Variants in ARHGAP30 observed in about 807,000 individuals in gnomAD.
ARHGAP30 encodes rho GTPase-activating protein 30.
Under a neutral mutation model 72.0 loss-of-function variants are expected in ARHGAP30, and 23 were observed. The observed-to-expected ratio is 0.32, with a 90% CI of 0.23 to 0.45. ARHGAP30 has a LOEUF of 0.45. Among genes scored for constraint, ARHGAP30 ranks in the 20% least tolerant of loss-of-function variants. ARHGAP30 has a pLI of 1.00. For synonymous variants in ARHGAP30, 576 were observed against 528.2 expected (o/e 1.09, Z -1.24); for missense variants, 1,319 against 1,383.4 (o/e 0.95, Z 0.74).
chr1:161,053,409 C>A (rs1327754926), intron 5 of ARHGAP30, 24 bp from the exon 6 acceptor site: 4 of 1,610,778 alleles, frequency 2.5e-6, no homozygotes, highest in Non-Finnish European at 3.4e-6. Flanking sequence ...GAATTATTCT[C>A]CCCCTCAGCC....
chr1:161,060,130 C>A, intron 1 of ARHGAP30: 1 of 389,268 alleles, frequency 2.6e-6, no homozygotes, highest in Non-Finnish European at 5.2e-6. Context: ...AAAATACAAA[C>A]ACAAATGGGG....
intron 1 of ARHGAP30, among the ~76,000 whole-genome samples, chr1:161,064,827 GAAAGAGAAAGAAAGAAAGA>G (rs1652619022): frequency 1.8e-4 from 12 of 67,038 alleles, no homozygotes; most frequent in African/African-American, 8.3e-4. Context: ...AAGAAAGAAA[GAAAGAGAAAGAAAGAAAGA>G]AAGGAAAGGA....
At chr1:161,052,573 G>A (rs374572259) in intron 7 of ARHGAP30, 30 bp from the exon 8 acceptor site, 3 of 1,613,928 alleles carry the variant, frequency 1.9e-6, no homozygotes, top group African/African-American at 2.7e-5. Context: ...ATAATTGGAG[G>A]TTGGAACATG....
intron 3 of ARHGAP30, among the ~76,000 whole-genome samples, chr1:161,055,812 TAA>T (rs1290552247): frequency 7.6e-4 from 27 of 35,598 alleles, no homozygotes; most frequent in East Asian, 3.5e-3. Flanking sequence ...AATAATAAAA[TAA>T]AATAAAATAA....
rs1432469891 is a variant in ARHGAP30, at chr1:161,047,468, C to T, written c.*247G>A. Reference sequence around the variant, plus strand: ...TATGTTCCCTTTGGCCAATGACCCACTCCCTGGGAACAAGATCTTGTTGAC... The same window carrying T: ...TATGTTCCCTTTGGCCAATGACCCATTCCCTGGGAACAAGATCTTGTTGAC... On this transcript the variant is annotated 3_prime_UTR_variant, in exon 12 of 12. Transcript: ENST00000368013. 2.9e-6 allele frequency: 1 copy of T among 348,664 alleles called. No individual in the cohort carries two copies. Among genetic ancestry groups the T allele is most frequent in the Non-Finnish European group, 5.1e-6 (1 of 195,186 alleles). The allele number at this position is 348,664 out of a possible 1,614,324, so 21.6% of individuals were successfully genotyped here. A position where few individuals can be genotyped will look rare whatever the true frequency, so the allele number is the denominator to read the frequency against.
Position 161,051,696 on chromosome 1 carries a change from C to T in ARHGAP30, c.1038G>A (p.Gly346=). Residue 346 remains glycine, a synonymous_variant, in exon 10 of 12, where the codon GGG becomes GGA. Transcript: ENST00000368013. ...GASDEPEGLV[G]PSSPRPSPLL... ...ATGGGCTTGGCCGGGGGCTGCTGGG[C>T]CCCACCAGCCCCTCTGGCTCTGTGG... The T allele has an allele frequency of 1.2e-6, 2 of 1,609,704 alleles. No individual in the cohort carries two copies. The highest frequency in any genetic ancestry group is 1.1e-5 in the South Asian group (1 of 90,820).
At chr1:161,066,328 C>A (rs781714220) in intron 1 of ARHGAP30, among the ~76,000 whole-genome samples, 1 of 150,430 alleles carries the variant, frequency 6.6e-6, no homozygotes, top group Admixed American at 6.7e-5. Context: ...TGCCCATGCA[C>A]GGTCTTGAGT....
intron 3 of ARHGAP30, among the ~76,000 whole-genome samples, chr1:161,055,832 TAA>T (rs1226760170): frequency 7.7e-5 from 9 of 116,846 alleles, no homozygotes; most frequent in African/African-American, 1.6e-4. Context: ...TAAAATAAAA[TAA>T]AATAAAATAA....
chr1:161,054,803 C>CAGAGTCCAG, intron 3 of ARHGAP30, 98 bp from the exon 4 acceptor site: 6 of 1,056,262 alleles, frequency 5.7e-6, no homozygotes, highest in Non-Finnish European at 8.8e-6. Flanking sequence ...ACAATGTGCA[C>CAGAGTCCAG]TGGACTCTGT....
chr1:161,064,831 G>GAAAGAAAGAAAGAAAGAA (rs1231950263), intron 1 of ARHGAP30, among the ~76,000 whole-genome samples: 1 of 73,834 alleles, frequency 1.4e-5, no homozygotes, highest in Non-Finnish European at 2.4e-5. Context: ...AAGAAAGAAA[G>GAAAGAAAGAAAGAAAGAA]AGAAAGAAAG....
intron 1 of ARHGAP30, among the ~76,000 whole-genome samples, chr1:161,065,227 C>T (rs893171310): frequency 1.3e-5 from 2 of 151,974 alleles, no homozygotes; most frequent in Non-Finnish European, 2.9e-5. Context: ...CTGCCTGCCT[C>T]GGCCTCCTAA....
intron 1 of ARHGAP30, among the ~76,000 whole-genome samples, chr1:161,063,286 G>A (rs1324066791): frequency 1.3e-5 from 2 of 152,210 alleles, no homozygotes; most frequent in Non-Finnish European, 2.9e-5. Context: ...CCCAAATGGA[G>A]GGACCGGCTG....
At chr1:161,056,307 A>G (rs1651872998) in intron 3 of ARHGAP30, 81 bp downstream of exon 3, 1 of 1,532,358 alleles carries the variant, frequency 6.5e-7, no homozygotes, top group Non-Finnish European at 8.8e-7. Flanking sequence ...GACTCTGGCT[A>G]GTATGTGGCA....
chr1:161,047,836 G>A lies in ARHGAP30; in HGVS notation c.3185C>T (p.Ser1062Phe). The A allele has an allele frequency of 1.9e-6, 3 of 1,610,996 alleles. No individual in the cohort carries two copies. The highest frequency in any genetic ancestry group is 2.5e-6 in the Non-Finnish European group (3 of 1,178,824). ...LPSEGAEGSG[S>F]RSRLSLPPRE... Reference sequence around the variant, plus strand: ...GGGGGGCAGACTAAGACGACTCCGGGATCCAGACCCTTCTGCACCTTCAGA... The same window carrying A: ...GGGGGGCAGACTAAGACGACTCCGGAATCCAGACCCTTCTGCACCTTCAGA... Residue 1062 changes from serine to phenylalanine, a missense_variant, in exon 12 of 12, where the codon TCC (serine) becomes TTC (phenylalanine). By Grantham distance (155) the Ser-to-Phe change is radical. Coordinates refer to ENST00000368013, the MANE Select transcript of ARHGAP30 (RefSeq NM_001025598.2).
chr1:161,069,160 C>T lies in ARHGAP30; in HGVS notation c.97+368G>A, dbSNP rs1201808777. On this transcript the variant is annotated intron_variant, in intron 1 of 11. Coordinates refer to ENST00000368013, the MANE Select transcript of ARHGAP30 (RefSeq NM_001025598.2). The surrounding 1 kb of genome is among the most constrained non-coding windows in gnomAD (Gnocchi z 4.9). Reference sequence around the variant, plus strand: ...GACCTAAGGATAATCATTTCCCCTTCAGCCACTCCTCTCCTGACCCTGTCG... The same window carrying T: ...GACCTAAGGATAATCATTTCCCCTTTAGCCACTCCTCTCCTGACCCTGTCG... Among the ~76,000 whole-genome samples, 3 of 152,072 alleles carry T rather than the reference C, an allele frequency of 2.0e-5. No homozygotes were observed. The highest frequency in any genetic ancestry group is 2.4e-5 in the African/African-American group (1 of 41,380).
chr1:161,049,659 C>G lies in ARHGAP30; in HGVS notation c.1451G>C (p.Ser484Thr). 1 of 1,613,846 alleles carries G rather than the reference C, an allele frequency of 6.2e-7. No homozygotes were observed. Among genetic ancestry groups the G allele is most frequent in the Non-Finnish European group, 8.5e-7 (1 of 1,179,874 alleles). ...DEKLEASPAS[S>T]PLADSGPDDL... ...GTCTGGGCCTGAGTCTGCCAGGGGA[C>G]TTGAGGCTGGACTTGCTTCCAACTT... Residue 484 changes from serine (S) to threonine (T), a missense_variant, in exon 11 of 12, where the codon AGT becomes ACT. Ser to Thr is a moderately conservative substitution (Grantham distance 58). This residue lies in a region of ARHGAP30 where 1,097 missense variants were observed against 1,045.2 expected (regional missense o/e 1.05). Coordinates refer to ENST00000368013, the MANE Select transcript of ARHGAP30 (RefSeq NM_001025598.2).
chr1:161,057,402 T>C (rs1409226168), intron 2 of ARHGAP30, among the ~76,000 whole-genome samples: 3 of 152,146 alleles, frequency 2.0e-5, no homozygotes, highest in African/African-American at 4.8e-5. Flanking sequence ...TGAATAAACA[T>C]GGTATTGCTC....
At position 161,052,383 on chromosome 1, in the gene ARHGAP30, G is replaced by T; in HGVS notation, c.941-20C>A. ...TATCCTCTGTAAGACAGGGATGTGT[G>T]TAGAGCCAGGGCCTTGTGCACCCTC... On this transcript the variant is annotated intron_variant, in intron 8 of 11. Transcript: ENST00000368013. 1 of 1,613,982 alleles carries T rather than the reference G, an allele frequency of 6.2e-7. No individual in the cohort carries two copies.
In ARHGAP30 at chr1:161,069,489, T is replaced by A; in HGVS notation, c.97+39A>T. 1.3e-6 allele frequency: 2 copies of A among 1,543,818 alleles called. No individual in the cohort carries two copies. The highest frequency in any genetic ancestry group is 8.9e-7 in the Non-Finnish European group (1 of 1,125,486). On this transcript the variant is annotated intron_variant, in intron 1 of 11. Coordinates refer to ENST00000368013, the MANE Select transcript of ARHGAP30 (RefSeq NM_001025598.2). This position sits in a 1 kb window ranked among gnomAD's most constrained non-coding sequence, Gnocchi z 4.9. The stretch of plus-strand genomic sequence containing the variant: ...GATCGGGCTGCAGATGCCCAGTGCC[T>A]CCCCACCCACCCTGCAGAAGCTGAG...
Sources: allele counts gnomAD v4.1 joint callset (sites outside exome capture counted in the v4.1 genomes callset), GRCh38; gene constraint gnomAD v4.1.1; regional missense constraint gnomAD v4.1.1; non-coding constraint Gnocchi (gnomAD v3.1); transcripts MANE v1.5; gene names NCBI Gene and HGNC (gene_info 2026-07-23, HGNC 2026-07-21).